The following ARB2A variants were observed in gnomAD, a reference collection of about 807,000 sequenced individuals.
ARB2A encodes the protein cotranscriptional regulator ARB2A.
the ARB2A span, among the ~76,000 whole-genome samples, chr5:94,049,583 CA>C: frequency 1.3e-5 from 2 of 148,484 alleles, no homozygotes; most frequent in Non-Finnish European, 3.0e-5. Flanking sequence ...ACTAAAAGTA[CA>C]AAAAAAAATT....
chr5:93,847,778 T>G, the ARB2A span, among the ~76,000 whole-genome samples: 2 of 152,184 alleles, frequency 1.3e-5, no homozygotes, highest in South Asian at 4.1e-4. Context: ...CACAGAAAGG[T>G]TGAATCACTT....
chr5:94,056,658 A>G, the ARB2A span, among the ~76,000 whole-genome samples: 2 of 152,160 alleles, frequency 1.3e-5, no homozygotes, highest in Non-Finnish European at 2.9e-5. Flanking sequence ...AAGCATATAA[A>G]ACAACTGTAT....
the ARB2A span, among the ~76,000 whole-genome samples, chr5:93,625,923 T>G: frequency 2.6e-5 from 4 of 152,236 alleles, no homozygotes; most frequent in East Asian, 7.7e-4. Flanking sequence ...TTCCCCTTAC[T>G]TCTGCCTGTG....
At chr5:94,003,095 C>A in the ARB2A span, among the ~76,000 whole-genome samples, 1 of 152,066 alleles carries the variant, frequency 6.6e-6, no homozygotes, top group Admixed American at 6.6e-5. Context: ...TAACCATATG[C>A]AAATTCCAGC....
At chr5:93,900,615 A>G in the ARB2A span, among the ~76,000 whole-genome samples, 1 of 120,254 alleles carries the variant, frequency 8.3e-6, no homozygotes, top group African/African-American at 2.8e-5. Context: ...CGCTGTCTCA[A>G]AAAAAAAAAA....
chr5:94,109,821 T>A, the ARB2A span, among the ~76,000 whole-genome samples: 18 of 151,762 alleles, frequency 1.2e-4, no homozygotes, highest in Admixed American at 6.6e-5. Flanking sequence ...TACCACCCTA[T>A]CTAAAATAGC....
At chr5:93,794,243 CTAAG>C in the ARB2A span, among the ~76,000 whole-genome samples, 1 of 152,070 alleles carries the variant, frequency 6.6e-6, no homozygotes, top group Non-Finnish European at 1.5e-5. Context: ...TTGCACTTCT[CTAAG>C]TGTGTCCTTG....
At chr5:93,826,131 A>G in the ARB2A span, among the ~76,000 whole-genome samples, 1 of 152,172 alleles carries the variant, frequency 6.6e-6, no homozygotes, top group Non-Finnish European at 1.5e-5. Flanking sequence ...ATTGTGGTTA[A>G]AGCCAAAACC....
the ARB2A span, among the ~76,000 whole-genome samples, chr5:93,684,434 A>G: frequency 6.6e-6 from 1 of 152,236 alleles, no homozygotes; most frequent in Admixed American, 6.5e-5. Context: ...CATTATCAAC[A>G]TCATCACTAT....
At chr5:94,072,368 A>T in the ARB2A span, among the ~76,000 whole-genome samples, 1 of 152,062 alleles carries the variant, frequency 6.6e-6, no homozygotes, top group African/African-American at 2.4e-5. Context: ...TCACACACAC[A>T]CACACACAAA....
the ARB2A span, among the ~76,000 whole-genome samples, chr5:94,030,420 T>C: frequency 6.6e-6 from 1 of 152,168 alleles, no homozygotes; most frequent in African/African-American, 2.4e-5. Flanking sequence ...CCTTGCAGAG[T>C]CATCTGGGGG....
the ARB2A span, among the ~76,000 whole-genome samples, chr5:93,772,234 C>T: frequency 1.3e-5 from 2 of 152,042 alleles, no homozygotes; most frequent in Non-Finnish European, 2.9e-5. Flanking sequence ...CATGTTCTCA[C>T]TCATAGGTGG....
chr5:94,095,816 T>C, the ARB2A span, among the ~76,000 whole-genome samples: 3 of 152,132 alleles, frequency 2.0e-5, no homozygotes, highest in African/African-American at 7.2e-5. Context: ...TATCACTAGG[T>C]ATACATCTAT....
chr5:94,096,380 T>C, the ARB2A span, among the ~76,000 whole-genome samples: 1 of 152,356 alleles, frequency 6.6e-6, no homozygotes, highest in East Asian at 1.9e-4. Flanking sequence ...GAACTGTTCT[T>C]TTTTAATACA....
At chr5:94,066,567 T>C in the ARB2A span, among the ~76,000 whole-genome samples, 15 of 151,844 alleles carry the variant, frequency 9.9e-5, no homozygotes, top group Admixed American at 2.6e-4. Context: ...TAAACAACTG[T>C]ACAAGCTGGA....
the ARB2A span, among the ~76,000 whole-genome samples, chr5:93,977,809 T>G: frequency 6.6e-6 from 1 of 152,152 alleles, no homozygotes; most frequent in East Asian, 1.9e-4. Flanking sequence ...CAAAGGAAAC[T>G]GTCAAACGAG....
chr5:94,097,750 C>T, the ARB2A span, among the ~76,000 whole-genome samples: 1 of 152,060 alleles, frequency 6.6e-6, no homozygotes, highest in East Asian at 1.9e-4. Context: ...AGGCCCCCAT[C>T]AGCACACACC....
the ARB2A span, among the ~76,000 whole-genome samples, chr5:93,933,294 A>G: frequency 4.6e-5 from 7 of 152,216 alleles, no homozygotes; most frequent in African/African-American, 9.6e-5. Flanking sequence ...CAGCTATCCC[A>G]TGACTGGGTA....
At chr5:93,973,604 G>A in the ARB2A span, among the ~76,000 whole-genome samples, 2 of 152,036 alleles carry the variant, frequency 1.3e-5, no homozygotes, top group Non-Finnish European at 2.9e-5. Context: ...CCTTCCCCAA[G>A]ACACACAGTC....
Sources: gnomAD v4.1 joint callset for allele counts (sites outside exome capture counted in the v4.1 genomes callset) on GRCh38, gnomAD v4.1.1 for gene constraint, MANE v1.5 for transcripts, NCBI Gene and HGNC (gene_info 2026-07-23, HGNC 2026-07-21) for gene names.